The following IGFBP7 variants were observed in gnomAD, a reference collection of about 807,000 sequenced individuals.
IGFBP7 encodes insulin like growth factor binding protein 7.
A neutral mutation model predicts 29.4 loss-of-function variants in IGFBP7; 31 were observed. The ratio of observed to expected loss-of-function variants is 1.05; its 90% CI spans 0.79 to 1.42. The LOEUF is 1.42. Among genes scored for constraint, IGFBP7 ranks in the 40% most tolerant of loss-of-function variants. IGFBP7 has a pLI of 0.00. For synonymous variants in IGFBP7, 172 were observed against 174.9 expected, an observed-to-expected ratio of 0.98 and a Z score of 0.13; for missense variants, 393 against 395.5, an observed-to-expected ratio of 0.99 and a Z score of 0.05.
intron 1 of IGFBP7, among the ~76,000 whole-genome samples, chr4:57,043,478 C>T (rs1724280857): frequency 6.6e-6 from 1 of 152,144 alleles, no homozygotes; most frequent in South Asian, 2.1e-4. Flanking sequence ...TAAAGTCTCC[C>T]CTTCTGCAAC....
At chr4:57,076,440 C>CA (rs1470044626) in intron 1 of IGFBP7, among the ~76,000 whole-genome samples, 3 of 152,208 alleles carry the variant, frequency 2.0e-5, no homozygotes, top group African/African-American at 7.2e-5. Flanking sequence ...TCTTGCTTGT[C>CA]ACTCCTCCTT....
At chr4:57,064,419 A>C (rs1560498589) in intron 1 of IGFBP7, among the ~76,000 whole-genome samples, 1 of 152,258 alleles carries the variant, frequency 6.6e-6, no homozygotes, top group Non-Finnish European at 1.5e-5. Flanking sequence ...ATATTGGGAA[A>C]ATGGATTTAA....
intron 1 of IGFBP7, among the ~76,000 whole-genome samples, chr4:57,075,358 T>C (rs1725196040): frequency 6.6e-6 from 1 of 152,208 alleles, no homozygotes; most frequent in Non-Finnish European, 1.5e-5. Flanking sequence ...AAATAATGTT[T>C]CATTGTTTCC....
intron 1 of IGFBP7, among the ~76,000 whole-genome samples, chr4:57,105,338 G>A (rs750195120): frequency 1.3e-5 from 2 of 152,190 alleles, no homozygotes; most frequent in African/African-American, 2.4e-5. Context: ...GAGATTAGGA[G>A]AGTGCCTAGC....
At chr4:57,049,190 T>C (rs999157579) in intron 1 of IGFBP7, among the ~76,000 whole-genome samples, 2 of 151,984 alleles carry the variant, frequency 1.3e-5, no homozygotes, top group Non-Finnish European at 2.9e-5. Context: ...GTTAGCCAAT[T>C]TTTTTTTCAT....
intron 1 of IGFBP7, among the ~76,000 whole-genome samples, chr4:57,061,275 CAGTATATATTAAT>C (rs1231327899): frequency 6.6e-6 from 1 of 152,034 alleles, no homozygotes; most frequent in African/African-American, 2.4e-5. Context: ...GAACTTTATA[CAGTATATATTAAT>C]AGTATATATT....
chr4:57,043,009 C>T (rs1454141542), intron 1 of IGFBP7, among the ~76,000 whole-genome samples: 1 of 152,200 alleles, frequency 6.6e-6, no homozygotes, highest in East Asian at 1.9e-4. Flanking sequence ...ACTGTGGAAG[C>T]CAACAGATAC....
At chr4:57,062,062 G>T (rs1204267894) in intron 1 of IGFBP7, among the ~76,000 whole-genome samples, 1 of 152,138 alleles carries the variant, frequency 6.6e-6, no homozygotes. Flanking sequence ...AGGTTCAGTG[G>T]GACTAAGTGT....
chr4:57,038,810 T>G (rs1724146730), intron 2 of IGFBP7, among the ~76,000 whole-genome samples: 1 of 152,124 alleles, frequency 6.6e-6, no homozygotes, highest in Non-Finnish European at 1.5e-5. Context: ...CTCACACCTG[T>G]AATCCTAGCA....
At chr4:57,043,386 T>G (rs1724277907) in intron 1 of IGFBP7, among the ~76,000 whole-genome samples, 1 of 152,196 alleles carries the variant, frequency 6.6e-6, no homozygotes. Flanking sequence ...TGCAGGGTCA[T>G]CTTGCATCAG....
intron 1 of IGFBP7, among the ~76,000 whole-genome samples, chr4:57,084,965 T>A (rs532066407): frequency 1.7e-3 from 258 of 151,854 alleles, no homozygotes; most frequent in Middle Eastern, 0.01. Flanking sequence ...TAATTTTTTT[T>A]AAAAATGGAT....
In IGFBP7 at chr4:57,094,083, C is replaced by T. The variant is rs149293534; in HGVS notation, c.475+15794G>A. Among the ~76,000 whole-genome samples the T allele has an allele frequency of 1.1e-3, 164 of 152,134 alleles. 2 individuals carry two copies. The highest frequency in any genetic ancestry group is 3.4e-3 in the African/African-American group (142 of 41,496). On this transcript the variant is annotated intron_variant, in intron 1 of 4. Transcript: ENST00000295666. ...GACTCTCTTATATTGAGTCTAACTC[C>T]CTCTTCTTTCTTCCACCAGGATGGA... is the stretch of plus-strand genomic sequence containing the variant.
At chr4:57,033,436 C>T (rs2271808) in intron 2 of IGFBP7, 125 bp from the exon 3 acceptor site, 277,458 of 751,812 alleles carry the variant, frequency 0.37, 51,843 homozygotes, top group Admixed American at 0.43. Context: ...CCCAGCATTT[C>T]ACTGAACTAT....
chr4:57,087,033 C>T (rs1725514919), intron 1 of IGFBP7, among the ~76,000 whole-genome samples: 1 of 152,020 alleles, frequency 6.6e-6, no homozygotes, highest in Admixed American at 6.5e-5. Context: ...TGCTCCTGAT[C>T]TAGTGGCTCA....
intron 1 of IGFBP7, among the ~76,000 whole-genome samples, chr4:57,090,710 T>C (rs1725618432): frequency 6.6e-6 from 1 of 151,984 alleles, no homozygotes; most frequent in South Asian, 2.1e-4. Context: ...TAGCCAGGTG[T>C]GGTGGTGCAC....
chr4:57,088,216 T>C (rs902252141), intron 1 of IGFBP7, among the ~76,000 whole-genome samples: 2 of 152,106 alleles, frequency 1.3e-5, no homozygotes, highest in Non-Finnish European at 2.9e-5. Context: ...TCTCAAGTGA[T>C]CTTCCTGCCT....
At chr4:57,035,492 T>C (rs1724060577) in intron 2 of IGFBP7, among the ~76,000 whole-genome samples, 1 of 152,156 alleles carries the variant, frequency 6.6e-6, no homozygotes, top group Non-Finnish European at 1.5e-5. Flanking sequence ...TCTCGCTCTG[T>C]CACCCAGGGT....
intron 1 of IGFBP7, among the ~76,000 whole-genome samples, chr4:57,043,190 C>T (rs572997685): frequency 2.0e-5 from 3 of 152,302 alleles, no homozygotes; most frequent in African/African-American, 7.2e-5. Context: ...AGACTTGGGA[C>T]CGTCCGCAGA....
intron 1 of IGFBP7, among the ~76,000 whole-genome samples, chr4:57,060,360 T>C (rs1724771674): frequency 6.6e-6 from 1 of 152,236 alleles, no homozygotes; most frequent in Non-Finnish European, 1.5e-5. Flanking sequence ...TTAGCTTATA[T>C]ACACAATTCA....
Sources: gnomAD v4.1 joint callset for allele counts (sites outside exome capture counted in the v4.1 genomes callset) on GRCh38, gnomAD v4.1.1 for gene constraint, MANE v1.5 for transcripts, NCBI Gene and HGNC (gene_info 2026-07-23, HGNC 2026-07-21) for gene names.